Variants in PACRG observed in about 807,000 individuals in gnomAD.
PACRG encodes parkin coregulated gene protein.
Under a neutral mutation model 29.7 loss-of-function variants are expected in PACRG, and 29 were observed. That is an observed-to-expected ratio of 0.98 (90% CI 0.73 to 1.33). PACRG has a LOEUF of 1.33. PACRG is among the 40% of genes most tolerant of loss of function. The pLI is 0.00. For missense variants in PACRG, 279 were observed against 316.2 expected (o/e 0.88, Z 0.89); for synonymous variants, 116 against 118.7 (o/e 0.98, Z 0.15).
At chr6:163,080,082 T>A (rs1180979470) in intron 3 of PACRG, among the ~76,000 whole-genome samples, 7 of 151,668 alleles carry the variant, frequency 4.6e-5, no homozygotes, top group Non-Finnish European at 5.9e-5. Flanking sequence ...GTATTTTTAG[T>A]AGAGACGGGG....
At chr6:162,961,705 C>T (rs966955376) in intron 2 of PACRG, among the ~76,000 whole-genome samples, 3 of 152,138 alleles carry the variant, frequency 2.0e-5, no homozygotes, top group African/African-American at 4.8e-5. Flanking sequence ...TAGTGTCCAC[C>T]TTCTCCTCCA....
chr6:163,244,854 A>C, intron 4 of PACRG: 1 of 266,790 alleles, frequency 3.7e-6, no homozygotes, highest in Non-Finnish European at 7.5e-6. Context: ...AAAGTATTTT[A>C]GCCACTAAAA....
intron 2 of PACRG, among the ~76,000 whole-genome samples, chr6:162,856,199 C>G (rs1285739453): frequency 6.6e-6 from 1 of 152,102 alleles, no homozygotes. Flanking sequence ...GCTGGGACTA[C>G]AGTAGTGTGC....
chr6:162,737,589 C>T (rs1305813274), intron 1 of PACRG, among the ~76,000 whole-genome samples: 1 of 152,140 alleles, frequency 6.6e-6, no homozygotes, highest in Non-Finnish European at 1.5e-5. Flanking sequence ...CGAATGTCCA[C>T]AGTTTTAATT....
rs1173942795 is a variant in PACRG at position 162,747,393 on chromosome 6, T to A, written c.156+19002T>A. Among the ~76,000 whole-genome samples the A allele has an allele frequency of 3.7e-3, 136 of 36,984 alleles. 15 individuals carry two copies. Among genetic ancestry groups the A allele is most frequent in the Admixed American group, 5.5e-3 (15 of 2,720 alleles). 24.3% of individuals were successfully genotyped at this position (36,984 alleles called of 152,430 possible). A position where few individuals can be genotyped will look rare whatever the true frequency, so the allele number is the denominator to read the frequency against. On this transcript the variant is annotated intron_variant, in intron 1 of 4. Transcript: ENST00000366888. ...ATACATATATATGTATATATATGTA[T>A]ATATATATGTATATATATATATAAC...
At chr6:162,971,363 T>A (rs913508215) in intron 2 of PACRG, among the ~76,000 whole-genome samples, 1 of 152,198 alleles carries the variant, frequency 6.6e-6, no homozygotes, top group Non-Finnish European at 1.5e-5. Flanking sequence ...TTTTTATAGA[T>A]ATAGAGCCAG....
intron 4 of PACRG, among the ~76,000 whole-genome samples, chr6:163,198,912 C>A (rs1388698555): frequency 6.6e-6 from 1 of 152,134 alleles, no homozygotes. Context: ...AAAGGCAGGA[C>A]AACTTGAAGC....
upstream of PACRG, chr6:162,727,720 C>A (rs1308078443): frequency 1.3e-6 from 2 of 1,544,094 alleles, no homozygotes; most frequent in Non-Finnish European, 1.8e-6. Flanking sequence ...ATGCGCGCAG[C>A]GGCGCCAGCC....
At chr6:163,170,512 G>C (rs952642307) in intron 4 of PACRG, 4 of 152,120 alleles carry the variant, frequency 2.6e-5, no homozygotes, top group African/African-American at 9.7e-5. Context: ...CTCCCGCTGG[G>C]GTCAGGACCG....
At chr6:163,181,642 T>A (rs1391681752) in intron 4 of PACRG, among the ~76,000 whole-genome samples, 1 of 144,300 alleles carries the variant, frequency 6.9e-6, no homozygotes. Context: ...TACAGACACA[T>A]CTCCGGCCAA....
intron 2 of PACRG, among the ~76,000 whole-genome samples, chr6:163,049,252 C>G (rs1809729894): frequency 6.6e-6 from 1 of 151,920 alleles, no homozygotes; most frequent in African/African-American, 2.4e-5. Context: ...CACTGGAGAA[C>G]TAGTCAATAA....
intron 4 of PACRG, among the ~76,000 whole-genome samples, chr6:163,261,539 A>C (rs1361972810): frequency 6.6e-6 from 1 of 152,138 alleles, no homozygotes; most frequent in East Asian, 1.9e-4. Context: ...CAGCTTCTGA[A>C]TGAATGAGCC....
Position 163,032,711 on chromosome 6 carries a change from T to C in PACRG, c.292-29439T>C, listed in dbSNP as rs1000328671. ...TTGACAGTGCTTCCTGTGTGACTTT[T>C]ATACCAAATAAGCCAAATGTCACTG... On this transcript the variant is annotated intron_variant, in intron 2 of 4. Transcript: ENST00000366888. Among the ~76,000 whole-genome samples, 6 of 152,256 alleles carry C rather than the reference T, an allele frequency of 3.9e-5. No homozygotes were observed. The East Asian group carries it at 1.2e-3, about 29-fold the overall frequency.
At chr6:163,130,972 G>T (rs1353400335) in intron 4 of PACRG, among the ~76,000 whole-genome samples, 1 of 152,192 alleles carries the variant, frequency 6.6e-6, no homozygotes, top group African/African-American at 2.4e-5. Flanking sequence ...CTGGAGTCGA[G>T]TGTGTCCTAA....
chr6:163,078,983 G>T (rs962694221), intron 3 of PACRG, among the ~76,000 whole-genome samples: 4 of 151,824 alleles, frequency 2.6e-5, no homozygotes, highest in Non-Finnish European at 5.9e-5. Flanking sequence ...ACGCTGGGAG[G>T]GTGAGGGGCC....
intron 4 of PACRG, among the ~76,000 whole-genome samples, chr6:163,131,211 G>T (rs1236553659): frequency 1.3e-5 from 2 of 152,024 alleles, no homozygotes; most frequent in Admixed American, 6.5e-5. Context: ...GGGAGGCTGA[G>T]GCGGGAGGAT....
chr6:162,917,146 G>A lies in PACRG; in HGVS notation c.291+102865G>A, dbSNP rs550013920. Among the ~76,000 whole-genome samples, 193 of 152,248 alleles carry A rather than the reference G, an allele frequency of 1.3e-3. 1 individual carries two copies. Among genetic ancestry groups the A allele is most frequent in the African/African-American group, 4.4e-3 (183 of 41,544 alleles). On this transcript the variant is annotated intron_variant, in intron 2 of 4. Coordinates refer to ENST00000366888, the MANE Select transcript of PACRG (RefSeq NM_001080379.2). ...CCTCCAATTATCCATGTTATTTTGA[G>A]AAACTCGCTTAATCTGTCTTAGAGT... is the stretch of plus-strand genomic sequence containing the variant.
intron 1 of PACRG, among the ~76,000 whole-genome samples, chr6:162,741,664 G>A (rs1162977469): frequency 6.6e-6 from 1 of 152,090 alleles, no homozygotes; most frequent in Non-Finnish European, 1.5e-5. Context: ...ATTAATTTTG[G>A]GGAACACAAA....
chr6:162,857,165 C>T (rs925270215), intron 2 of PACRG, among the ~76,000 whole-genome samples: 2 of 152,182 alleles, frequency 1.3e-5, no homozygotes, highest in African/African-American at 4.8e-5. Context: ...ATAGCAAAGG[C>T]CCCCATCTTG....
Sources: allele counts gnomAD v4.1 joint callset (sites outside exome capture counted in the v4.1 genomes callset), GRCh38; gene constraint gnomAD v4.1.1; transcripts MANE v1.5; gene names NCBI Gene and HGNC (gene_info 2026-07-23, HGNC 2026-07-21).